Variants in GSE1 observed in about 807,000 individuals in gnomAD.
GSE1 encodes genetic suppressor element 1.
In GSE1, 32 loss-of-function variants were observed where a neutral mutation model predicts 112.6. The observed-to-expected ratio is 0.28, with a 90% confidence interval of 0.21 to 0.38. GSE1 has a LOEUF of 0.38. GSE1 is among the 10% of genes least tolerant of loss of function. The pLI is 1.00. For missense variants in GSE1, 2,348 were observed against 1,699.2 expected (o/e 1.38, Z -6.71); for synonymous variants, 1,115 against 735.6 (o/e 1.52, Z -8.35).
intron 1 of GSE1, among the ~76,000 whole-genome samples, chr16:85,258,868 C>T (rs1907364393): frequency 6.6e-6 from 1 of 152,160 alleles, no homozygotes; most frequent in African/African-American, 2.4e-5. Flanking sequence ...GTTGTTCTGC[C>T]CATTGTTCTG....
rs756410854 is a variant in GSE1 at position 85,656,424 on chromosome 16, G to T, written c.1071G>T (p.Arg357=). 6.3e-7 allele frequency: 1 copy of T among 1,575,426 alleles called. No homozygotes were observed. Among genetic ancestry groups the T allele is most frequent in the South Asian group, 1.1e-5 (1 of 87,606 alleles). Residue 357 remains arginine (R), a synonymous_variant, in exon 7 of 16, where the codon CGG becomes CGT. Transcript: ENST00000253458. ...REREREADRE[R]EKEREREREK... ...GTGAGCGTGAGGCTGACCGCGAGCG[G>T]GAGAAGGAACGTGAGCGCGAACGCG...
intron 2 of GSE1, among the ~76,000 whole-genome samples, chr16:85,478,911 CTTTCTT>C (rs2050571927): frequency 3.4e-5 from 2 of 58,612 alleles, no homozygotes; most frequent in African/African-American, 1.8e-4. Context: ...TTCTTTCTTT[CTTTCTT>C]TCTTTCTTTC....
intron 2 of GSE1, among the ~76,000 whole-genome samples, chr16:85,372,509 A>G (rs1244049483): frequency 1.4e-5 from 2 of 138,466 alleles, no homozygotes; most frequent in African/African-American, 5.3e-5. Context: ...AAAAAAAAAA[A>G]GAACACACTA....
intron 1 of GSE1, among the ~76,000 whole-genome samples, chr16:85,579,640 G>GT (rs2046368707): frequency 6.6e-6 from 1 of 152,168 alleles, no homozygotes. Context: ...AAGGGCTTGT[G>GT]TTTTTGGTGC....
chr16:85,487,802 C>A (rs145425559), intron 2 of GSE1, among the ~76,000 whole-genome samples: 9 of 152,368 alleles, frequency 5.9e-5, no homozygotes, highest in Middle Eastern at 3.4e-3. Flanking sequence ...GAGCTCAAGG[C>A]AGGCATCTGT....
At chr16:85,234,103 T>A (rs1456973199) in intron 1 of GSE1, among the ~76,000 whole-genome samples, 44 of 152,054 alleles carry the variant, frequency 2.9e-4, no homozygotes, top group Non-Finnish European at 4.4e-5. Flanking sequence ...ATTGTAGGCG[T>A]CTGGTTCTGG....
intron 1 of GSE1, among the ~76,000 whole-genome samples, chr16:85,566,416 C>T (rs768719320): frequency 2.6e-5 from 4 of 152,114 alleles, no homozygotes; most frequent in African/African-American, 4.8e-5. Context: ...CTGGTGAGGT[C>T]GTCCTGGCCC....
Position 85,358,101 on chromosome 16 carries a change from C to T in GSE1, c.2464+458C>T, listed in dbSNP as rs561888663. ...GCTCTGTGCGGGGAGATGGCGCTGC[C>T]GTCCTCCCCCTCCCACTCCCGCCAG... On this transcript the variant is annotated intron_variant, in intron 2 of 2. Coordinates refer to the GSE1 transcript ENST00000637419. Among the ~76,000 whole-genome samples, 71 of 152,244 alleles carry T rather than the reference C, an allele frequency of 4.7e-4. No homozygotes were observed. In the East Asian group the frequency reaches 6.8e-3, roughly 15 times the overall value.
intron 2 of GSE1, among the ~76,000 whole-genome samples, chr16:85,647,466 G>A (rs1041782773): frequency 6.6e-6 from 1 of 152,150 alleles, no homozygotes; most frequent in Non-Finnish European, 1.5e-5. Flanking sequence ...AAAATAAATG[G>A]ATCTTTTAAA....
At chr16:85,416,381 G>A (rs1001323727) in intron 2 of GSE1, among the ~76,000 whole-genome samples, 1 of 152,142 alleles carries the variant, frequency 6.6e-6, no homozygotes, top group African/African-American at 2.4e-5. Flanking sequence ...TCTCCGTTCA[G>A]AGCCCCCAAG....
At chr16:85,615,410 G>C (rs2048312691) in intron 1 of GSE1, among the ~76,000 whole-genome samples, 1 of 152,216 alleles carries the variant, frequency 6.6e-6, no homozygotes, top group African/African-American at 2.4e-5. Context: ...GATCTCCTGC[G>C]GGCCGGGTGC....
intron 2 of GSE1, among the ~76,000 whole-genome samples, chr16:85,642,031 G>C (rs1433070074): frequency 1.3e-5 from 2 of 152,248 alleles, no homozygotes; most frequent in Non-Finnish European, 2.9e-5. Flanking sequence ...CCTCCCTCCA[G>C]CTGTTCCAGC....
intron 1 of GSE1, among the ~76,000 whole-genome samples, chr16:85,231,031 G>A (rs1904279394): frequency 6.6e-6 from 1 of 151,618 alleles, no homozygotes; most frequent in African/African-American, 2.4e-5. Flanking sequence ...TGGATGGACA[G>A]AAGGATAGAT....
At chr16:85,446,441 G>A (rs901053813) in intron 2 of GSE1, among the ~76,000 whole-genome samples, 4 of 152,210 alleles carry the variant, frequency 2.6e-5, no homozygotes, top group African/African-American at 7.2e-5. Flanking sequence ...CGCCTGGCAC[G>A]TGATAGGCAT....
intron 1 of GSE1, among the ~76,000 whole-genome samples, chr16:85,603,271 C>T (rs768538888): frequency 7.9e-5 from 12 of 152,238 alleles, no homozygotes; most frequent in Admixed American, 2.0e-4. Context: ...GCACCGTGTC[C>T]GTGGAAGGGG....
chr16:85,289,286 G>A (rs565065485), intron 1 of GSE1, among the ~76,000 whole-genome samples: 2 of 152,256 alleles, frequency 1.3e-5, no homozygotes, highest in East Asian at 3.9e-4. Context: ...CCAATGCTGG[G>A]GTTTTTTCCC....
chr16:85,583,989 A>G (rs2151395114), intron 1 of GSE1, among the ~76,000 whole-genome samples: 1 of 152,304 alleles, frequency 6.6e-6, no homozygotes, highest in Non-Finnish European at 1.5e-5. Flanking sequence ...TGATCTCCAT[A>G]GATTTCTTTG....
intron 1 of GSE1, among the ~76,000 whole-genome samples, chr16:85,579,389 T>C (rs1432086393): frequency 6.6e-6 from 1 of 152,228 alleles, no homozygotes; most frequent in African/African-American, 2.4e-5. Flanking sequence ...CTTGGAATCC[T>C]TCTGAAGCCA....
At chr16:85,667,108 C>T (rs542964519) in intron 13 of GSE1, among the ~76,000 whole-genome samples, 1 of 152,374 alleles carries the variant, frequency 6.6e-6, no homozygotes, top group South Asian at 2.1e-4. Flanking sequence ...TTCTCCATGA[C>T]AGATACCAAG....
Sources: allele counts gnomAD v4.1 joint callset (sites outside exome capture counted in the v4.1 genomes callset), GRCh38; gene constraint gnomAD v4.1.1; transcripts MANE v1.5; gene names NCBI Gene and HGNC (gene_info 2026-07-23, HGNC 2026-07-21).